Variants in DIAPH2 observed in about 807,000 individuals in gnomAD.
The protein encoded by DIAPH2 is diaphanous related formin 2, also known as protein diaphanous homolog 2.
Under a neutral mutation model 92.7 loss-of-function variants are expected in DIAPH2, and 35 were observed. The observed-to-expected ratio is 0.38, with a 90% CI of 0.29 to 0.50. The LOEUF (loss-of-function observed/expected upper bound fraction) is 0.50. Among genes scored for constraint, DIAPH2 ranks in the 20% least tolerant of loss-of-function variants. The pLI, the probability that DIAPH2 is intolerant of heterozygous loss-of-function variation, is 0.94. For synonymous variants in DIAPH2, 301 were observed against 280.4 expected (o/e 1.07, Z -0.73); for missense variants, 701 against 819.5 (o/e 0.86, Z 1.77).
At chrX:97,037,547 C>T (rs939889145) in intron 17 of DIAPH2, among the ~76,000 whole-genome samples, 5 of 111,514 alleles carry the variant, frequency 4.5e-5, no homozygotes, top group Non-Finnish European at 9.4e-5. Context: ...ATTTATATGA[C>T]GCAATTGCAA....
intron 26 of DIAPH2, among the ~76,000 whole-genome samples, chrX:97,518,536 A>G (rs1035938765): frequency 6.4e-5 from 7 of 109,567 alleles, no homozygotes; most frequent in African/African-American, 1.0e-4. Context: ...ATGTGTGTGT[A>G]TATATATGTT....
At chrX:97,584,212 G>T (rs764655493) in intron 26 of DIAPH2, among the ~76,000 whole-genome samples, 31 of 112,185 alleles carry the variant, frequency 2.8e-4, no homozygotes, top group Non-Finnish European at 4.7e-4. Context: ...TTCAAAGCTG[G>T]ATTAGAGATT....
intron 17 of DIAPH2, among the ~76,000 whole-genome samples, chrX:96,981,492 A>G (rs2065997403): frequency 8.9e-6 from 1 of 112,297 alleles, no homozygotes; most frequent in Admixed American, 9.5e-5. Context: ...CAGATTCAAA[A>G]CAAACTGACA....
At chrX:97,318,482 CTTTTTTTTTTTTTTT>C (rs745350367) in intron 23 of DIAPH2, among the ~76,000 whole-genome samples, 76 of 46,324 alleles carry the variant, frequency 1.6e-3, no homozygotes, top group African/African-American at 6.5e-3. Flanking sequence ...TTTTTCTTTA[CTTTTTTTTTTTTTTT>C]TTTTTTTTTT....
chrX:96,898,879 A>G (rs1468988608), intron 5 of DIAPH2, among the ~76,000 whole-genome samples: 1 of 106,892 alleles, frequency 9.4e-6, no homozygotes, highest in East Asian at 2.9e-4. Context: ...TTAAGTCTTT[A>G]ATCCATCTTG....
chrX:97,087,894 CTCT>C (rs1569298078), intron 19 of DIAPH2, among the ~76,000 whole-genome samples: 1 of 110,550 alleles, frequency 9.0e-6, no homozygotes, highest in Non-Finnish European at 1.9e-5. Context: ...CATCCCCTCT[CTCT>C]TCTTTGATCC....
At chrX:97,545,429 A>T (rs897039201) in intron 26 of DIAPH2, among the ~76,000 whole-genome samples, 1 of 108,511 alleles carries the variant, frequency 9.2e-6, no homozygotes, top group Admixed American at 1.0e-4. Context: ...TGTTTAGTTG[A>T]ATTAAAAATG....
At chrX:97,206,001 G>T (rs915801325) in intron 22 of DIAPH2, among the ~76,000 whole-genome samples, 5 of 111,441 alleles carry the variant, frequency 4.5e-5, no homozygotes, top group African/African-American at 1.3e-4. Context: ...CATGTCCTTT[G>T]CAGGGACATG....
chrX:97,330,577 A>G (rs940701415), intron 23 of DIAPH2, among the ~76,000 whole-genome samples: 1 of 108,047 alleles, frequency 9.3e-6, no homozygotes, highest in African/African-American at 3.4e-5. Context: ...CAGTGGTGCA[A>G]TCTTGGCTCA....
intron 24 of DIAPH2, among the ~76,000 whole-genome samples, chrX:97,355,634 C>T (rs1346911173): frequency 9.0e-6 from 1 of 111,266 alleles, no homozygotes; most frequent in East Asian, 2.8e-4. Flanking sequence ...TGATGTGCTT[C>T]TTTAATGATA....
intron 18 of DIAPH2, among the ~76,000 whole-genome samples, chrX:97,074,562 G>A (rs2147913298): frequency 8.9e-6 from 1 of 112,033 alleles, no homozygotes; most frequent in Admixed American, 9.5e-5. Flanking sequence ...ATTCCAATAT[G>A]ATATCATAGA....
At chrX:96,886,869 T>C (rs1221848086) in intron 5 of DIAPH2, among the ~76,000 whole-genome samples, 2 of 109,554 alleles carry the variant, frequency 1.8e-5, no homozygotes, top group Non-Finnish European at 3.8e-5. Context: ...CGTAGCCACT[T>C]GTTTTTCCTA....
intron 22 of DIAPH2, among the ~76,000 whole-genome samples, chrX:97,200,981 T>C (rs963726432): frequency 9.0e-6 from 1 of 111,266 alleles, no homozygotes; most frequent in Non-Finnish European, 1.9e-5. Context: ...AAGGAGCAGA[T>C]AACAGTCTTT....
intron 1 of DIAPH2, among the ~76,000 whole-genome samples, chrX:96,693,756 C>T (rs912174130): frequency 5.3e-5 from 6 of 112,694 alleles, no homozygotes; most frequent in South Asian, 3.6e-4. Context: ...GCAAGGATTC[C>T]GGGCATGGTG....
intron 26 of DIAPH2, among the ~76,000 whole-genome samples, chrX:97,494,710 A>C (rs912489865): frequency 7.1e-5 from 8 of 111,994 alleles, no homozygotes; most frequent in African/African-American, 2.6e-4. Context: ...TCTTCTCTGG[A>C]TTTGTGTGGG....
intron 1 of DIAPH2, among the ~76,000 whole-genome samples, chrX:96,702,586 T>G (rs2063861832): frequency 8.9e-6 from 1 of 112,384 alleles, no homozygotes; most frequent in African/African-American, 3.2e-5. Context: ...GTGCAGAGAT[T>G]TTTTTTAAAA....
chrX:97,389,673 G>C (rs753602299), intron 25 of DIAPH2, among the ~76,000 whole-genome samples: 2 of 110,925 alleles, frequency 1.8e-5, no homozygotes, highest in East Asian at 5.7e-4. Context: ...TATGCCTGCT[G>C]CACAGTAACA....
At chrX:96,962,314 T>TATATATATACAC (rs1569436436) in intron 16 of DIAPH2, among the ~76,000 whole-genome samples, 2 of 42,654 alleles carry the variant, frequency 4.7e-5, no homozygotes, top group South Asian at 1.3e-3. Context: ...TATATATACA[T>TATATATATACAC]ATATATATAC....
chrX:96,717,396 T>C (rs934185388), intron 1 of DIAPH2, among the ~76,000 whole-genome samples: 7 of 110,901 alleles, frequency 6.3e-5, no homozygotes, highest in Non-Finnish European at 1.1e-4. Context: ...TGGATTTGTC[T>C]GTTTCTCCTT....
Sources: allele counts gnomAD v4.1 joint callset (sites outside exome capture counted in the v4.1 genomes callset), GRCh38; gene constraint gnomAD v4.1.1; transcripts MANE v1.5; gene names NCBI Gene and HGNC (gene_info 2026-07-23, HGNC 2026-07-21).